The following KIF15 variants were observed in gnomAD, a reference collection of about 807,000 sequenced individuals.
KIF15 encodes kinesin family member 15, also known as kinesin-like protein KIF15.
Under a neutral mutation model 190.6 loss-of-function variants are expected in KIF15, and 140 were observed. The ratio of observed to expected loss-of-function variants is 0.73; its 90% CI spans 0.64 to 0.84. The LOEUF (loss-of-function observed/expected upper bound fraction) is 0.84. Ranked by LOEUF, KIF15 falls within the 40% of genes least tolerant of loss-of-function variation. The pLI is 0.00. For synonymous variants in KIF15, 528 were observed against 551.3 expected, an observed-to-expected ratio of 0.96 and a Z score of 0.59; for missense variants, 1,372 against 1,584.4, an observed-to-expected ratio of 0.87 and a Z score of 2.28.
Position 44,802,816 on chromosome 3 carries a change from A to G in KIF15, c.1512A>G (p.Ile504Met), listed in dbSNP as rs1191509550. The G allele has an allele frequency of 6.4e-7, 1 of 1,563,512 alleles. No homozygotes were observed. Among genetic ancestry groups the G allele is most frequent in the East Asian group, 2.3e-5 (1 of 44,112 alleles). The change falls in exon 14 of 35, where the codon ATA (isoleucine) becomes ATG (methionine). Residue 504 changes from isoleucine to methionine, a missense_variant and splice_region_variant. Coordinates refer to ENST00000326047, the MANE Select transcript of KIF15 (RefSeq NM_020242.3). ...RNEIQTLREQIEHHPRVAKYA... is the reference protein window; with the variant it reads ...RNEIQTLREQMEHHPRVAKYA... Reference sequence around the variant, plus strand: ...CGTGTAATTCTTCTATGTCACAGATAGAGCACCACCCCAGAGTTGCAAAGT... The same window carrying G: ...CGTGTAATTCTTCTATGTCACAGATGGAGCACCACCCCAGAGTTGCAAAGT...
rs1276975150 is a variant in KIF15, at chr3:44,841,240, T to C, written c.3585+2T>C. On this transcript the variant is annotated splice_donor_variant, in intron 29 of 34. Transcript: ENST00000326047. LOFTEE classifies it high-confidence loss of function. Reference sequence around the variant, plus strand: ...AATGCTGAAATCCTCAGAATGAAGGTAATTGGATTTTTTTTCCAGTAAATT... The same window carrying C: ...AATGCTGAAATCCTCAGAATGAAGGCAATTGGATTTTTTTTCCAGTAAATT... The C allele has an allele frequency of 6.3e-7, 1 of 1,589,804 alleles. No individual in the cohort carries two copies. The highest frequency in any genetic ancestry group is 8.5e-7 in the Non-Finnish European group (1 of 1,172,382).
intron 26 of KIF15, among the ~76,000 whole-genome samples, chr3:44,835,642 T>A (rs1292491604): frequency 1.3e-5 from 2 of 151,962 alleles, no homozygotes; most frequent in East Asian, 3.8e-4. Flanking sequence ...TGCAGAGAGA[T>A]TTCTAAGCTA....
At chr3:44,831,893 T>C (rs1227017901) in intron 26 of KIF15, among the ~76,000 whole-genome samples, 2 of 152,148 alleles carry the variant, frequency 1.3e-5, no homozygotes, top group African/African-American at 4.8e-5. Context: ...ATATTTGCTT[T>C]AGAAATAAAG....
At chr3:44,863,104 T>A (rs187285538) in intron 6 of KIF15, 36 of 152,110 alleles carry the variant, frequency 2.4e-4, no homozygotes, top group African/African-American at 6.8e-4. Flanking sequence ...ATTTATTATT[T>A]TTTTTTTAGC....
At chr3:44,767,139 C>T (rs1705428891) in intron 1 of KIF15, among the ~76,000 whole-genome samples, 2 of 151,876 alleles carry the variant, frequency 1.3e-5, no homozygotes, top group South Asian at 2.1e-4. Context: ...TCACCAGTTT[C>T]ACTGGGGAGT....
At chr3:44,769,045 T>G (rs1705533243) in intron 1 of KIF15, among the ~76,000 whole-genome samples, 1 of 152,166 alleles carries the variant, frequency 6.6e-6, no homozygotes. Context: ...GGCTTGTCAG[T>G]CTTCGAGGTT....
intron 5 of KIF15, among the ~76,000 whole-genome samples, chr3:44,782,073 G>C (rs376087951): frequency 2.0e-5 from 3 of 151,006 alleles, no homozygotes; most frequent in African/African-American, 4.9e-5. Flanking sequence ...TTTTTGAGAC[G>C]GAGCCTGCCC....
At chr3:44,855,346 A>G (rs1367760868), downstream of KIF15, among the ~76,000 whole-genome samples, 1 of 152,230 alleles carries the variant, frequency 6.6e-6, no homozygotes, top group African/African-American at 2.4e-5. Flanking sequence ...GGGCAGAAAC[A>G]AATCACAATG....
At chr3:44,836,838 G>A (rs1411128064) in intron 26 of KIF15, among the ~76,000 whole-genome samples, 1 of 152,196 alleles carries the variant, frequency 6.6e-6, no homozygotes, top group African/African-American at 2.4e-5. Context: ...AAAATTGGGA[G>A]TTTATATAGC....
At chr3:44,838,464 C>A in intron 27 of KIF15, 43 bp downstream of exon 27, 1 of 1,583,196 alleles carries the variant, frequency 6.3e-7, no homozygotes, top group Non-Finnish European at 8.6e-7. Flanking sequence ...AGACAAGAGA[C>A]CAAGTGTAGT....
chr3:44,846,644 C>T (rs1324827437), intron 30 of KIF15, among the ~76,000 whole-genome samples: 6 of 151,654 alleles, frequency 4.0e-5, no homozygotes, highest in Admixed American at 1.3e-4. Flanking sequence ...AGTGGTGGCA[C>T]GCACCTGTAA....
rs115814526 is a variant in KIF15 at position 44,772,582 on chromosome 3, C to T, written c.20-1813C>T. On this transcript the variant is annotated intron_variant, in intron 1 of 34. Transcript: ENST00000326047. ...GATATCCACTTTCAATTAAGCTGAACGCTTTTTAAGAAAATCCTTTTGAGT... is the reference window on the plus strand; with the variant it reads ...GATATCCACTTTCAATTAAGCTGAATGCTTTTTAAGAAAATCCTTTTGAGT... Among the ~76,000 whole-genome samples the T allele has an allele frequency of 9.0e-3, 1,378 of 152,312 alleles. 21 individuals are homozygous for T. The highest frequency in any genetic ancestry group is 0.03 in the African/African-American group (1,252 of 41,558).
rs537256298 is a variant in KIF15, at chr3:44,807,167, T to TA, written c.1971+1183dup. On this transcript the variant is annotated intron_variant, in intron 16 of 34. Coordinates refer to ENST00000326047, the MANE Select transcript of KIF15 (RefSeq NM_020242.3). ...TAGTAGTGGTGCTTTTTGTGTCACT[T>TA]AATGGAAGACTACTTGTATTCATTT... is the stretch of plus-strand genomic sequence containing the variant. 5.3e-4 allele frequency among the ~76,000 whole-genome samples: 81 copies of TA among 152,342 alleles called. 1 individual carries two copies. The Middle Eastern group carries it at 0.014, about 26-fold the overall frequency.
At chr3:44,850,880 A>G (rs1414808107) in intron 32 of KIF15, among the ~76,000 whole-genome samples, 5 of 152,244 alleles carry the variant, frequency 3.3e-5, no homozygotes, top group East Asian at 1.9e-4. Context: ...ATATCATTTC[A>G]GTAATCAACA....
At chr3:44,859,912 G>C (rs1306583429) in intron 6 of KIF15, among the ~76,000 whole-genome samples, 1 of 152,172 alleles carries the variant, frequency 6.6e-6, no homozygotes, top group Non-Finnish European at 1.5e-5. Flanking sequence ...GTGTACACAG[G>C]AGTTTCTTAG....
intron 20 of KIF15, among the ~76,000 whole-genome samples, chr3:44,822,917 T>C (rs1399635778): frequency 6.6e-6 from 1 of 152,234 alleles, no homozygotes; most frequent in African/African-American, 2.4e-5. Flanking sequence ...TAATCTTTTT[T>C]CAAGGTTTTT....
chr3:44,861,840 T>C (rs1575701253), intron 6 of KIF15: 3 of 1,381,386 alleles, frequency 2.2e-6, no homozygotes, highest in East Asian at 2.9e-5. Context: ...CACAGGAGCG[T>C]CGCGTCACGT....
At chr3:44,867,785 C>T (rs966401677) in intron 6 of KIF15, among the ~76,000 whole-genome samples, 4 of 152,116 alleles carry the variant, frequency 2.6e-5, no homozygotes, top group Non-Finnish European at 4.4e-5. Flanking sequence ...GTTGAGGAAA[C>T]GTTCACTGTA....
chr3:44,825,192 C>T (rs1052221067), intron 20 of KIF15, among the ~76,000 whole-genome samples: 1 of 152,196 alleles, frequency 6.6e-6, no homozygotes, highest in Admixed American at 6.5e-5. Context: ...AATGAAACAG[C>T]ATGACACTGC....
Sources: gnomAD v4.1 joint callset for allele counts (sites outside exome capture counted in the v4.1 genomes callset) on GRCh38, gnomAD v4.1.1 for gene constraint, MANE v1.5 for transcripts, NCBI Gene and HGNC (gene_info 2026-07-23, HGNC 2026-07-21) for gene names.